Variants in ROBO2 observed in about 807,000 individuals in gnomAD.
ROBO2 encodes roundabout homolog 2.
Under a neutral mutation model 160.8 loss-of-function variants are expected in ROBO2, and 53 were observed. That is an observed-to-expected ratio of 0.33 (90% CI 0.26 to 0.41). The LOEUF (loss-of-function observed/expected upper bound fraction) is 0.41. Ranked by LOEUF, ROBO2 falls within the 10% of genes least tolerant of loss-of-function variation. ROBO2 has a pLI of 1.00. For synonymous variants in ROBO2, 664 were observed against 611.7 expected (o/e 1.09, Z -1.26); for missense variants, 1,577 against 1,722.4 (o/e 0.92, Z 1.49).
intron 2 of ROBO2, among the ~76,000 whole-genome samples, chr3:77,009,672 A>G (rs1293102331): frequency 6.6e-6 from 1 of 151,904 alleles, no homozygotes; most frequent in African/African-American, 2.4e-5. Flanking sequence ...TTTAAAAATC[A>G]CTCTTGGGTC....
chr3:76,430,380 G>A (rs969586981), intron 2 of ROBO2, among the ~76,000 whole-genome samples: 3 of 152,216 alleles, frequency 2.0e-5, no homozygotes, highest in South Asian at 4.2e-4. Flanking sequence ...TCACAACTAC[G>A]TAAAAACTGA....
chr3:76,918,313 T>A lies in ROBO2; in HGVS notation c.110-179701T>A, dbSNP rs570646547. Among the ~76,000 whole-genome samples the A allele has an allele frequency of 2.0e-4, 30 of 152,246 alleles. No homozygotes were observed. In the South Asian group the frequency reaches 6.2e-3, roughly 32 times the overall value. On this transcript the variant is annotated intron_variant, in intron 2 of 26. Coordinates refer to the ROBO2 transcript ENST00000487694. ...ATAAGCCTCTGGCATTTCCCCTCTT[T>A]GCACTTATTCTCTCTCCTGTGACCC...
intron 2 of ROBO2, among the ~76,000 whole-genome samples, chr3:77,332,108 G>A (rs2066030048): frequency 6.6e-6 from 1 of 152,100 alleles, no homozygotes. Context: ...CAGTTCCACA[G>A]CAAAAATTCC....
intron 2 of ROBO2, among the ~76,000 whole-genome samples, chr3:76,091,759 AAAC>A (rs2069246863): frequency 6.6e-6 from 1 of 152,202 alleles, no homozygotes; most frequent in Non-Finnish European, 1.5e-5. Context: ...GAAAAGAAAT[AAAC>A]TATCAAGCTA....
At chr3:77,215,221 T>C (rs1244461502) in intron 2 of ROBO2, among the ~76,000 whole-genome samples, 2 of 152,144 alleles carry the variant, frequency 1.3e-5, no homozygotes, top group African/African-American at 4.8e-5. Context: ...GTACACCAAT[T>C]AAACATAGAT....
intron 21 of ROBO2, among the ~76,000 whole-genome samples, chr3:77,610,019 T>A (rs1449569980): frequency 6.6e-6 from 1 of 150,980 alleles, no homozygotes; most frequent in Non-Finnish European, 1.5e-5. Flanking sequence ...ATTTTAATTA[T>A]TTGTAATAAA....
At chr3:77,588,338 C>T (rs1397708755) in intron 16 of ROBO2, among the ~76,000 whole-genome samples, 1 of 152,020 alleles carries the variant, frequency 6.6e-6, no homozygotes, top group East Asian at 1.9e-4. Context: ...GGAATATGGA[C>T]CGTGCCTTAG....
At chr3:77,582,453 T>C (rs1339097747) in intron 16 of ROBO2, among the ~76,000 whole-genome samples, 2 of 152,208 alleles carry the variant, frequency 1.3e-5, no homozygotes, top group African/African-American at 4.8e-5. Flanking sequence ...AATGTTATTA[T>C]TAATGTAATC....
At chr3:77,048,679 C>T (rs2149676151) in intron 1 of ROBO2, among the ~76,000 whole-genome samples, 1 of 152,278 alleles carries the variant, frequency 6.6e-6, no homozygotes, top group East Asian at 1.9e-4. Flanking sequence ...TTCTAGATAG[C>T]CCCCTTAGCT....
intron 2 of ROBO2, among the ~76,000 whole-genome samples, chr3:77,350,270 T>G (rs2068176321): frequency 6.6e-6 from 1 of 151,828 alleles, no homozygotes; most frequent in Admixed American, 6.6e-5. Context: ...GTGGGAGGAT[T>G]GCTTGAGCCC....
intron 2 of ROBO2, among the ~76,000 whole-genome samples, chr3:76,959,496 A>G (rs80221329): frequency 0.035 from 5,277 of 152,232 alleles, 307 homozygotes; most frequent in African/African-American, 0.12. Flanking sequence ...CTGAAGTGAC[A>G]CCATTTGTGT....
intron 1 of ROBO2, among the ~76,000 whole-genome samples, chr3:77,080,793 C>T (rs923787154): frequency 1.6e-4 from 24 of 152,084 alleles, no homozygotes; most frequent in Admixed American, 2.6e-4. Flanking sequence ...AACATTTGCT[C>T]GTGTGTTTCT....
intron 2 of ROBO2, among the ~76,000 whole-genome samples, chr3:76,249,356 A>G (rs1453396063): frequency 6.6e-6 from 1 of 152,022 alleles, no homozygotes; most frequent in Non-Finnish European, 1.5e-5. Context: ...GAAGTTTATA[A>G]TATAACAATC....
In ROBO2 at chr3:76,737,911, C is replaced by T. The variant is rs141512404; in HGVS notation, c.110-360103C>T. Among the ~76,000 whole-genome samples the T allele has an allele frequency of 1.1e-4, 17 of 152,198 alleles. No homozygotes were observed. In the East Asian group the frequency reaches 2.7e-3, roughly 24 times the overall value. On this transcript the variant is annotated intron_variant, in intron 2 of 26. Transcript: ENST00000487694. ...CCTGTAATTCCAGCACTTTGGGAGG[C>T]ACAGGCAGGCAGATCACTTGGGTTC... is the stretch of plus-strand genomic sequence containing the variant.
intron 2 of ROBO2, among the ~76,000 whole-genome samples, chr3:77,420,459 C>A (rs1311734406): frequency 6.6e-6 from 1 of 152,072 alleles, no homozygotes; most frequent in Non-Finnish European, 1.5e-5. Context: ...CTGGCTCTAC[C>A]AATCAGGCCA....
intron 7 of ROBO2, among the ~76,000 whole-genome samples, chr3:77,547,170 T>C (rs811353): frequency 0.53 from 80,976 of 151,834 alleles, 21,721 homozygotes; most frequent in Middle Eastern, 0.68. Flanking sequence ...CATTTAGAAC[T>C]CTGTCTAAAG....
intron 1 of ROBO2, among the ~76,000 whole-genome samples, chr3:77,090,198 G>GA (rs2069951279): frequency 1.3e-5 from 2 of 151,872 alleles, no homozygotes; most frequent in East Asian, 3.9e-4. Context: ...CTAAATTTTG[G>GA]AAATAAAGTT....
intron 2 of ROBO2, among the ~76,000 whole-genome samples, chr3:77,131,502 C>G (rs1016231810): frequency 6.6e-6 from 1 of 151,992 alleles, no homozygotes; most frequent in Admixed American, 6.6e-5. Context: ...TAAGCAAAAA[C>G]AAACCAACCA....
At chr3:76,687,648 T>G (rs2092713900) in intron 2 of ROBO2, among the ~76,000 whole-genome samples, 1 of 152,014 alleles carries the variant, frequency 6.6e-6, no homozygotes, top group South Asian at 2.1e-4. Context: ...ACTGAGCCAT[T>G]AAGAACACAT....
Sources: allele counts gnomAD v4.1 joint callset (sites outside exome capture counted in the v4.1 genomes callset), GRCh38; gene constraint gnomAD v4.1.1; transcripts MANE v1.5; gene names NCBI Gene and HGNC (gene_info 2026-07-23, HGNC 2026-07-21).